Variants in GRM7 observed in about 807,000 individuals in gnomAD.
GRM7 encodes the protein metabotropic glutamate receptor 7.
In GRM7, 35 loss-of-function variants were observed where a neutral mutation model predicts 84.5. That is an observed-to-expected ratio of 0.41 (90% CI 0.32 to 0.55). The LOEUF is 0.55. Among genes scored for constraint, GRM7 ranks in the 20% least tolerant of loss-of-function variants. The pLI is 0.19. For missense variants in GRM7, 1,003 were observed against 1,194.6 expected, an observed-to-expected ratio of 0.84 and a Z score of 2.36; for synonymous variants, 487 against 455.1, an observed-to-expected ratio of 1.07 and a Z score of -0.89.
chr3:7,425,054 C>T (rs886102416), intron 5 of GRM7, among the ~76,000 whole-genome samples: 8 of 152,082 alleles, frequency 5.3e-5, no homozygotes, highest in Non-Finnish European at 1.0e-4. Context: ...CTCCCAAGAC[C>T]CTTGGAAAAC....
chr3:7,395,919 C>G lies in GRM7; in HGVS notation c.1034-19104C>G, dbSNP rs370325683. 2.4e-3 allele frequency among the ~76,000 whole-genome samples: 366 copies of G among 152,194 alleles called. 2 individuals are homozygous for G. The highest frequency in any genetic ancestry group is 4.4e-3 in the South Asian group (21 of 4,820). ...CTAGGAGGAGAATATTCAATCTTCT[C>G]ACGCAGATAAATGATACATGTTTGG... On this transcript the variant is annotated intron_variant, in intron 4 of 9. Coordinates refer to ENST00000357716, the MANE Select transcript of GRM7 (RefSeq NM_000844.4).
At chr3:7,233,040 TTC>T (rs1697243980) in intron 2 of GRM7, among the ~76,000 whole-genome samples, 1 of 152,170 alleles carries the variant, frequency 6.6e-6, no homozygotes, top group African/African-American at 2.4e-5. Flanking sequence ...ATTAAAATAG[TTC>T]TTTGTGTTGA....
chr3:7,524,122 G>A (rs1144027), intron 7 of GRM7, among the ~76,000 whole-genome samples: 93,005 of 151,494 alleles, frequency 0.61, 29,591 homozygotes, highest in African/African-American at 0.79. Flanking sequence ...AGTCAGATGG[G>A]TTAAAGACTT....
chr3:7,360,385 A>C (rs1167305236), intron 4 of GRM7, among the ~76,000 whole-genome samples: 3 of 151,148 alleles, frequency 2.0e-5, no homozygotes, highest in African/African-American at 7.4e-5. Flanking sequence ...CGTATTCTCT[A>C]AGGAAATGAA....
chr3:7,375,917 A>G (rs372493698), intron 4 of GRM7, among the ~76,000 whole-genome samples: 1 of 152,104 alleles, frequency 6.6e-6, no homozygotes, highest in East Asian at 1.9e-4. Context: ...CTTCTTCCTT[A>G]TATCTGCGTT....
intron 1 of GRM7, among the ~76,000 whole-genome samples, chr3:6,907,235 G>GA (rs1304192250): frequency 6.6e-6 from 1 of 151,908 alleles, no homozygotes; most frequent in African/African-American, 2.4e-5. Context: ...CTAAATTCTT[G>GA]AAAAAATAAA....
chr3:7,108,009 C>T (rs983923577), intron 1 of GRM7, among the ~76,000 whole-genome samples: 7 of 151,880 alleles, frequency 4.6e-5, no homozygotes, highest in African/African-American at 1.7e-4. Flanking sequence ...TGAGTGTAAG[C>T]AGAAAAGGGA....
Position 7,133,799 on chromosome 3 carries a change from A to G in GRM7, c.520-12653A>G, listed in dbSNP as rs529915721. 2.0e-5 allele frequency among the ~76,000 whole-genome samples: 3 copies of G among 152,184 alleles called. No homozygotes were observed. In the East Asian group the frequency reaches 5.8e-4, roughly 29 times the overall value. On this transcript the variant is annotated intron_variant, in intron 1 of 9. Coordinates refer to ENST00000357716, the MANE Select transcript of GRM7 (RefSeq NM_000844.4). ...CGGCAAGAGTTCATAGACAATTAAG[A>G]TTAGGAAGGAGGCGGAGAGGTCATA... is the stretch of plus-strand genomic sequence containing the variant.
At chr3:7,491,412 G>GGATATA (rs369529392) in intron 7 of GRM7, among the ~76,000 whole-genome samples, 6 of 149,774 alleles carry the variant, frequency 4.0e-5, no homozygotes, top group African/African-American at 1.5e-4. Flanking sequence ...GATTTAGATG[G>GGATATA]TATATATATA....
intron 8 of GRM7, among the ~76,000 whole-genome samples, chr3:7,667,112 C>CA (rs1049999023): frequency 4.6e-5 from 7 of 151,198 alleles, no homozygotes; most frequent in Admixed American, 1.3e-4. Flanking sequence ...AAAAAACAAA[C>CA]AAAAAAAATA....
intron 1 of GRM7, among the ~76,000 whole-genome samples, chr3:7,117,960 G>A (rs1396356346): frequency 6.6e-6 from 1 of 152,110 alleles, no homozygotes; most frequent in Non-Finnish European, 1.5e-5. Flanking sequence ...TCAAGTTCTG[G>A]GGGTGGGGGC....
intron 5 of GRM7, among the ~76,000 whole-genome samples, chr3:7,433,818 A>G (rs1696932339): frequency 6.6e-6 from 1 of 152,208 alleles, no homozygotes; most frequent in Non-Finnish European, 1.5e-5. Flanking sequence ...CTGTATTGTG[A>G]TAAAAATGCT....
chr3:6,975,214 A>G (rs1315164186), intron 1 of GRM7, among the ~76,000 whole-genome samples: 2 of 152,150 alleles, frequency 1.3e-5, no homozygotes, highest in African/African-American at 4.8e-5. Flanking sequence ...CCAATCGGAT[A>G]ATGAGGTCTT....
chr3:7,328,890 G>A (rs978251417), intron 4 of GRM7, among the ~76,000 whole-genome samples: 8 of 152,034 alleles, frequency 5.3e-5, no homozygotes, highest in African/African-American at 1.7e-4. Context: ...TATGTGGGAT[G>A]GATTTTGATG....
chr3:7,339,115 G>A (rs1259129538), intron 4 of GRM7, among the ~76,000 whole-genome samples: 1 of 152,070 alleles, frequency 6.6e-6, no homozygotes, highest in Non-Finnish European at 1.5e-5. Flanking sequence ...TCCCAAATAT[G>A]TTCTAGGTAG....
chr3:7,381,975 A>G (rs561064941), intron 4 of GRM7, among the ~76,000 whole-genome samples: 1 of 152,318 alleles, frequency 6.6e-6, no homozygotes, highest in East Asian at 1.9e-4. Context: ...CATGGGTTAC[A>G]TAAAAATCAT....
chr3:7,350,576 C>A (rs1157957216), intron 4 of GRM7, among the ~76,000 whole-genome samples: 1 of 152,092 alleles, frequency 6.6e-6, no homozygotes, highest in Non-Finnish European at 1.5e-5. Context: ...AATTAAACCT[C>A]TTTTCTTTAT....
At chr3:7,641,520 T>C (rs1698362437) in intron 8 of GRM7, among the ~76,000 whole-genome samples, 1 of 152,084 alleles carries the variant, frequency 6.6e-6, no homozygotes, top group South Asian at 2.1e-4. Context: ...CACAATACCA[T>C]CACTTTGGGA....
At chr3:7,646,974 G>T (rs932826598) in intron 8 of GRM7, among the ~76,000 whole-genome samples, 1 of 152,152 alleles carries the variant, frequency 6.6e-6, no homozygotes, top group Non-Finnish European at 1.5e-5. Flanking sequence ...CACTTGTAGA[G>T]GTGAACTGGG....
Sources: gnomAD v4.1 joint callset for allele counts (sites outside exome capture counted in the v4.1 genomes callset) on GRCh38, gnomAD v4.1.1 for gene constraint, MANE v1.5 for transcripts, NCBI Gene and HGNC (gene_info 2026-07-23, HGNC 2026-07-21) for gene names.